The following SNX29 variants were observed in gnomAD, a reference collection of about 807,000 sequenced individuals.
SNX29 encodes the protein sorting nexin 29.
Under a neutral mutation model 102.1 loss-of-function variants are expected in SNX29, and 78 were observed. The observed-to-expected ratio is 0.76, with a 90% CI of 0.64 to 0.92. SNX29 has a LOEUF of 0.92. Ranked by LOEUF, SNX29 falls within the 40% of genes least tolerant of loss-of-function variation. The pLI is 0.00. For missense variants in SNX29, 1,280 were observed against 1,061.7 expected, an observed-to-expected ratio of 1.21 and a Z score of -2.86; for synonymous variants, 580 against 414.5, an observed-to-expected ratio of 1.40 and a Z score of -4.85.
chr16:12,382,377 A>G (rs1339781967), intron 16 of SNX29, among the ~76,000 whole-genome samples: 3 of 152,178 alleles, frequency 2.0e-5, no homozygotes, highest in South Asian at 4.2e-4. Context: ...TAGTGCGTGG[A>G]CTCTGGAGCC....
Position 12,341,093 on chromosome 16 carries a change from C to T in SNX29, c.1783-15070C>T, listed in dbSNP as rs370158996. Among the ~76,000 whole-genome samples the T allele has an allele frequency of 2.0e-4, 31 of 152,020 alleles. No individual in the cohort carries two copies. The East Asian group carries it at 3.9e-3, about 19-fold the overall frequency. ...CAAGAAGAGTGTCTGGCCTGTGGAA[C>T]GCATCCAACCTATGGTTACTATTAT... On this transcript the variant is annotated intron_variant, in intron 15 of 20. Transcript: ENST00000566228.
intron 11 of SNX29, among the ~76,000 whole-genome samples, chr16:12,125,684 C>A (rs996079190): frequency 7.9e-6 from 1 of 126,866 alleles, no homozygotes; most frequent in Non-Finnish European, 1.6e-5. Context: ...TCCTGAACTC[C>A]TGGGCTCAAA....
At chr16:12,274,593 G>A (rs988720033) in intron 14 of SNX29, among the ~76,000 whole-genome samples, 2 of 150,774 alleles carry the variant, frequency 1.3e-5, no homozygotes, top group Admixed American at 6.6e-5. Flanking sequence ...ACGGAGTGCA[G>A]CTATGCCATC....
At chr16:12,536,662 C>T (rs4390575) in intron 20 of SNX29, among the ~76,000 whole-genome samples, 18,711 of 152,130 alleles carry the variant, frequency 0.12, 1,392 homozygotes, top group Non-Finnish European at 0.16. Flanking sequence ...TTCCTTAGAT[C>T]CAGGGAAGAG....
rs115575513 is a variant in SNX29, at chr16:12,511,616, C to T, written c.2179-13086C>T. Among the ~76,000 whole-genome samples, 1,206 of 152,286 alleles carry T rather than the reference C, an allele frequency of 7.9e-3. 16 individuals are homozygous for T. The highest frequency in any genetic ancestry group is 0.028 in the African/African-American group (1,159 of 41,558). Reference sequence around the variant, plus strand: ...TTGCAGTGAAGTTTTGATTTAGGCACATCGTCATTGTAGATGCGCGATCAG... The same window carrying T: ...TTGCAGTGAAGTTTTGATTTAGGCATATCGTCATTGTAGATGCGCGATCAG... On this transcript the variant is annotated intron_variant, in intron 19 of 20. Transcript: ENST00000566228.
chr16:12,007,718 G>A (rs980228654), intron 3 of SNX29, among the ~76,000 whole-genome samples: 3 of 152,066 alleles, frequency 2.0e-5, no homozygotes, highest in Non-Finnish European at 2.9e-5. Flanking sequence ...CAGCATGGCC[G>A]CTGCAGCCTT....
chr16:12,475,374 G>C (rs148514047), intron 18 of SNX29, among the ~76,000 whole-genome samples: 1 of 152,266 alleles, frequency 6.6e-6, no homozygotes, highest in African/African-American at 2.4e-5. Context: ...ATGACTTCTT[G>C]ATTATTTAGA....
At chr16:12,548,254 G>A (rs1203282789) in intron 20 of SNX29, among the ~76,000 whole-genome samples, 1 of 152,132 alleles carries the variant, frequency 6.6e-6, no homozygotes, top group Non-Finnish European at 1.5e-5. Context: ...CCTTCCTTCT[G>A]GCTCACCAGA....
rs1567177843 is a variant in SNX29, at chr16:12,069,037, T to TGATTGCTCTCTCTGC, written c.1244-19_1244-5dup. On this transcript the variant is annotated intron_variant, in intron 9 of 20. Coordinates refer to ENST00000566228, the MANE Select transcript of SNX29 (RefSeq NM_032167.5). ...TAGTGAGAAAAGTGACCTCTTTCTG[T>TGATTGCTCTCTCTGC]GATTGCTCTCTCTGCACAGATGCCC... is the stretch of plus-strand genomic sequence containing the variant. 2 of 1,612,024 alleles carry TGATTGCTCTCTCTGC rather than the reference T, an allele frequency of 1.2e-6. No homozygotes were observed. Among genetic ancestry groups the TGATTGCTCTCTCTGC allele is most frequent in the Non-Finnish European group, 1.7e-6 (2 of 1,178,594 alleles).
chr16:12,131,163 G>A (rs2054451284), intron 13 of SNX29, among the ~76,000 whole-genome samples: 1 of 152,214 alleles, frequency 6.6e-6, no homozygotes, highest in Non-Finnish European at 1.5e-5. Context: ...ACAGCCATGG[G>A]ATCCAACTTC....
intron 19 of SNX29, among the ~76,000 whole-genome samples, chr16:12,484,274 A>G (rs983684423): frequency 6.6e-6 from 1 of 152,066 alleles, no homozygotes; most frequent in Admixed American, 6.5e-5. Flanking sequence ...TCAGCCTCCC[A>G]AAGTGCTGGG....
At position 12,052,217 on chromosome 16, in the gene SNX29, C is replaced by G. The variant is rs770138155; in HGVS notation, c.1119C>G (p.Pro373=). ...AGCACAGGGGCCACTCGGAGTCGCC[C>G]GAGAAGTAAGTTTGTGTGTAAGGTG... is the stretch of plus-strand genomic sequence containing the variant. ...GRKHRGHSES[P]EKPLEGNTCL... The change falls in exon 8 of 21, where the codon CCC becomes CCG. Residue 373 remains proline, a synonymous_variant. Coordinates refer to ENST00000566228, the MANE Select transcript of SNX29 (RefSeq NM_032167.5). 1.2e-6 allele frequency: 2 copies of G among 1,613,752 alleles called. No homozygotes were observed. Among genetic ancestry groups the G allele is most frequent in the South Asian group, 2.2e-5 (2 of 90,970 alleles).
chr16:12,077,386 GGTGTGTGTGTGTGTGTGTGT>G (rs60621681), intron 10 of SNX29, among the ~76,000 whole-genome samples: 1 of 142,786 alleles, frequency 7.0e-6, no homozygotes, highest in Non-Finnish European at 1.5e-5. Flanking sequence ...TCCTAGTCAT[GGTGTGTGTGTGTGTGTGTGT>G]GTGTGTGTGT....
At chr16:12,245,618 C>T (rs537199641) in intron 14 of SNX29, among the ~76,000 whole-genome samples, 65 of 152,010 alleles carry the variant, frequency 4.3e-4, no homozygotes, top group African/African-American at 1.6e-3. Flanking sequence ...AAACAAAAAC[C>T]CGTCGTTGTG....
chr16:12,488,631 C>T (rs578131925), intron 19 of SNX29, among the ~76,000 whole-genome samples: 2 of 152,284 alleles, frequency 1.3e-5, no homozygotes, highest in Admixed American at 6.5e-5. Context: ...TTTCCTTTCT[C>T]CCTCGTCCTA....
intron 14 of SNX29, among the ~76,000 whole-genome samples, chr16:12,225,965 G>GA (rs1444564835): frequency 6.6e-6 from 1 of 152,150 alleles, no homozygotes; most frequent in East Asian, 1.9e-4. Context: ...TTTACACTGG[G>GA]AAACTAGCCA....
intron 16 of SNX29, among the ~76,000 whole-genome samples, chr16:12,386,747 G>T (rs1254066417): frequency 2.0e-5 from 3 of 152,190 alleles, no homozygotes; most frequent in Admixed American, 6.5e-5. Context: ...CCTGCTCACT[G>T]TTAATAAGAA....
At chr16:12,055,920 T>A (rs2050501741) in intron 8 of SNX29, among the ~76,000 whole-genome samples, 1 of 152,164 alleles carries the variant, frequency 6.6e-6, no homozygotes, top group South Asian at 2.1e-4. Context: ...TCTTACTCCA[T>A]GGCCCCGGCT....
rs895841824 is a variant in SNX29, at chr16:12,572,448, C to T, written c.*3819C>T. ...GCAGTGGCTGCCTCTCTTGGTTCTG[C>T]ATGGTACATTTTGCCAACCCTGAGG... is the stretch of plus-strand genomic sequence containing the variant. On this transcript the variant is annotated 3_prime_UTR_variant, in exon 21 of 21. Coordinates refer to ENST00000566228, the MANE Select transcript of SNX29 (RefSeq NM_032167.5). The T allele has an allele frequency of 1.9e-6, 2 of 1,063,334 alleles. No homozygotes were observed. The highest frequency in any genetic ancestry group is 4.6e-5 in the South Asian group (1 of 21,972). 65.9% of individuals were successfully genotyped at this position (1,063,334 alleles called of 1,614,324 possible). A position where few individuals can be genotyped will look rare whatever the true frequency, so the allele number is the denominator to read the frequency against.
Sources: allele counts gnomAD v4.1 joint callset (sites outside exome capture counted in the v4.1 genomes callset), GRCh38; gene constraint gnomAD v4.1.1; transcripts MANE v1.5; gene names NCBI Gene and HGNC (gene_info 2026-07-23, HGNC 2026-07-21).